CARMIL1: variants seen among roughly 807,000 people sequenced by gnomAD.
The protein encoded by CARMIL1 is capping protein regulator and myosin 1 linker 1, also known as F-actin-uncapping protein LRRC16A.
CARMIL1 carries 90 observed loss-of-function variants against 177.1 expected under a neutral mutation model. The ratio of observed to expected loss-of-function variants is 0.51; its 90% CI spans 0.43 to 0.61. CARMIL1 has a LOEUF of 0.61. CARMIL1 is among the 20% of genes least tolerant of loss of function. The pLI is 0.00. For missense variants in CARMIL1, 1,380 were observed against 1,667.0 expected (o/e 0.83, Z 3.00); for synonymous variants, 577 against 606.2 (o/e 0.95, Z 0.71).
chr6:25,427,186 TA>T (rs1261049335), intron 4 of CARMIL1, among the ~76,000 whole-genome samples: 2 of 152,186 alleles, frequency 1.3e-5, no homozygotes, highest in African/African-American at 4.8e-5. Context: ...TTTTTAATTT[TA>T]TTTTTAGTTC....
At chr6:25,610,277 T>TA in intron 36 of CARMIL1, 96 bp downstream of exon 36, 3 of 1,341,554 alleles carry the variant, frequency 2.2e-6, no homozygotes, top group Middle Eastern at 2.1e-4. Context: ...ACTAATATCT[T>TA]AGAGTTTGTT....
chr6:25,333,538 C>A lies in CARMIL1; in HGVS notation c.138+48629C>A, dbSNP rs1385332136. Among the ~76,000 whole-genome samples the A allele has an allele frequency of 3.3e-5, 5 of 152,302 alleles. No individual in the cohort carries two copies. The South Asian group carries it at 1.0e-3, about 32-fold the overall frequency. Reference sequence around the variant, plus strand: ...CCAAGATTGTGCCACTGCGCTCCAGCCTGAGTGACAGAGCAAGACACTGTG... The same window carrying A: ...CCAAGATTGTGCCACTGCGCTCCAGACTGAGTGACAGAGCAAGACACTGTG... On this transcript the variant is annotated intron_variant, in intron 2 of 36. Transcript: ENST00000329474.
intron 3 of CARMIL1, among the ~76,000 whole-genome samples, chr6:25,423,505 A>C (rs12525978): frequency 0.13 from 19,966 of 152,212 alleles, 1,706 homozygotes; most frequent in East Asian, 0.3. Context: ...ACCACAGTGC[A>C]TTTGGGGAGC....
intron 31 of CARMIL1, 130 bp from the exon 32 acceptor site, chr6:25,594,285 A>T: frequency 1.7e-6 from 1 of 586,130 alleles, no homozygotes; most frequent in Non-Finnish European, 3.0e-6. Flanking sequence ...ATTCCTGTAG[A>T]TTACGTGGTC....
intron 35 of CARMIL1, among the ~76,000 whole-genome samples, chr6:25,607,421 A>T (rs1356780151): frequency 6.6e-6 from 1 of 152,138 alleles, no homozygotes; most frequent in Admixed American, 6.5e-5. Context: ...CACTATAGTA[A>T]GTGCTTTTTG....
intron 9 of CARMIL1, among the ~76,000 whole-genome samples, chr6:25,466,439 A>G (rs1800602672): frequency 6.6e-6 from 1 of 152,228 alleles, no homozygotes; most frequent in African/African-American, 2.4e-5. Flanking sequence ...AATTAAAGTG[A>G]AATCTGTTTT....
At chr6:25,613,853 C>G (rs1191228380) in intron 36 of CARMIL1, among the ~76,000 whole-genome samples, 1 of 152,146 alleles carries the variant, frequency 6.6e-6, no homozygotes, top group Non-Finnish European at 1.5e-5. Context: ...ATTTAGGCTC[C>G]CAGGGATCAG....
chr6:25,326,153 C>T lies in CARMIL1; in HGVS notation c.138+41244C>T, dbSNP rs1257697916. ...AAAATGCTGGGATTACAGGCGTGAG[C>T]CACTGCGCTCGGCCTAGATGAGACA... On this transcript the variant is annotated intron_variant, in intron 2 of 36. Transcript: ENST00000329474. This position sits in a 1 kb window ranked among gnomAD's most constrained non-coding sequence, Gnocchi z 4.2. 2.6e-5 allele frequency among the ~76,000 whole-genome samples: 4 copies of T among 152,196 alleles called. No individual in the cohort carries two copies. Among genetic ancestry groups the T allele is most frequent in the Non-Finnish European group, 5.9e-5 (4 of 68,038 alleles).
At chr6:25,548,298 G>A (rs1177762124) in intron 26 of CARMIL1, among the ~76,000 whole-genome samples, 1 of 152,134 alleles carries the variant, frequency 6.6e-6, no homozygotes, top group Non-Finnish European at 1.5e-5. Flanking sequence ...AGTGAGACTT[G>A]CAAATTTCTC....
chr6:25,366,279 G>A lies in CARMIL1; in HGVS notation c.139-53835G>A, dbSNP rs576114011. 2.0e-5 allele frequency among the ~76,000 whole-genome samples: 3 copies of A among 152,198 alleles called. No individual in the cohort carries two copies. The South Asian group carries it at 6.2e-4, about 32-fold the overall frequency. ...CTCAAAGTGCTGGGATTACAGGCAT[G>A]AGCCACCATACATGGCCTTTCAGTG... On this transcript the variant is annotated intron_variant, in intron 2 of 36. Coordinates refer to ENST00000329474, the MANE Select transcript of CARMIL1 (RefSeq NM_017640.6).
At chr6:25,572,702 CAAAAAAAAAAAA>C (rs35085655) in intron 29 of CARMIL1, among the ~76,000 whole-genome samples, 9 of 53,202 alleles carry the variant, frequency 1.7e-4, no homozygotes, top group African/African-American at 3.1e-4. Flanking sequence ...GACCTTGTCT[CAAAAAAAAAAAA>C]AAAAAAAAAA....
intron 2 of CARMIL1, among the ~76,000 whole-genome samples, chr6:25,313,216 C>A (rs1024179609): frequency 6.6e-6 from 1 of 151,968 alleles, no homozygotes; most frequent in Non-Finnish European, 1.5e-5. Flanking sequence ...GAAAAAAAAA[C>A]CAAGCTTAGA....
chr6:25,584,258 T>G (rs959124494), intron 31 of CARMIL1, among the ~76,000 whole-genome samples: 2 of 150,856 alleles, frequency 1.3e-5, no homozygotes, highest in Admixed American at 1.3e-4. Flanking sequence ...CAGGCTAATC[T>G]CGGAACTCCT....
At chr6:25,431,268 G>GTGTC (rs921667526) in intron 4 of CARMIL1, among the ~76,000 whole-genome samples, 23 of 72,392 alleles carry the variant, frequency 3.2e-4, no homozygotes, top group Non-Finnish European at 6.3e-4. Context: ...AAGAAAGTGT[G>GTGTC]TGTGTGTGTG....
At chr6:25,451,986 G>GGGCCCCCCCCC in intron 8 of CARMIL1, 1 of 112,672 alleles carries the variant, frequency 8.9e-6, no homozygotes. Context: ...CTAGCATCTT[G>GGGCCCCCCCCC]CCCCCCCCTC....
intron 2 of CARMIL1, among the ~76,000 whole-genome samples, chr6:25,404,747 C>T (rs1794206999): frequency 1.1e-5 from 1 of 94,898 alleles, no homozygotes; most frequent in African/African-American, 4.3e-5. Flanking sequence ...CAGAGTGAGA[C>T]TTCGTCTTAA....
At chr6:25,606,014 T>A in intron 34 of CARMIL1, 47 bp from the exon 35 acceptor site, 1 of 1,386,934 alleles carries the variant, frequency 7.2e-7, no homozygotes, top group South Asian at 1.3e-5. Context: ...CTTCAAGTTA[T>A]TGGCTTCTTT....
intron 2 of CARMIL1, among the ~76,000 whole-genome samples, chr6:25,361,609 G>A (rs1789202919): frequency 6.6e-6 from 1 of 152,286 alleles, no homozygotes; most frequent in African/African-American, 2.4e-5. Flanking sequence ...ATAGTTATAA[G>A]TAGCTATATT....
chr6:25,431,284 GTGTT>G (rs752057626), intron 4 of CARMIL1, among the ~76,000 whole-genome samples: 2 of 145,878 alleles, frequency 1.4e-5, no homozygotes, highest in African/African-American at 5.0e-5. Context: ...GTGTGTGTGT[GTGTT>G]TGTGTGTATG....
Sources: gnomAD v4.1 joint callset for allele counts (sites outside exome capture counted in the v4.1 genomes callset) on GRCh38, gnomAD v4.1.1 for gene constraint, Gnocchi (gnomAD v3.1) non-coding constraint, MANE v1.5 for transcripts, NCBI Gene and HGNC (gene_info 2026-07-23, HGNC 2026-07-21) for gene names.